GRM7: variants seen among roughly 807,000 people sequenced by gnomAD.
GRM7 encodes the protein glutamate metabotropic receptor 7, also known as metabotropic glutamate receptor 7.
In GRM7, 35 loss-of-function variants were observed where a neutral mutation model predicts 84.5. The ratio of observed to expected loss-of-function variants is 0.41; its 90% CI spans 0.32 to 0.55. The LOEUF (loss-of-function observed/expected upper bound fraction) is 0.55, where lower values mean the gene tolerates loss of function less well. GRM7 is among the 20% of genes least tolerant of loss of function. The pLI, the probability that GRM7 is intolerant of heterozygous loss-of-function variation, is 0.19. For missense variants in GRM7, 1,003 were observed against 1,194.6 expected (o/e 0.84, Z 2.36); for synonymous variants, 487 against 455.1 (o/e 1.07, Z -0.89).
intron 9 of GRM7, among the ~76,000 whole-genome samples, chr3:7,717,373 T>A (rs1467652225): frequency 2.7e-5 from 4 of 150,438 alleles, no homozygotes; most frequent in East Asian, 1.9e-4. Flanking sequence ...CAGGTTGATT[T>A]AAAAAAAAAA....
chr3:6,978,366 A>T (rs1167657958), intron 1 of GRM7, among the ~76,000 whole-genome samples: 3 of 152,026 alleles, frequency 2.0e-5, no homozygotes, highest in Non-Finnish European at 4.4e-5. Context: ...TAGCTTTTAG[A>T]CCTATTGGAG....
intron 1 of GRM7, among the ~76,000 whole-genome samples, chr3:6,982,283 T>C (rs1307097169): frequency 6.6e-6 from 1 of 152,106 alleles, no homozygotes; most frequent in Non-Finnish European, 1.5e-5. Context: ...CAGTAGACAC[T>C]GAGGACTACA....
chr3:7,003,890 C>A (rs546032509), intron 1 of GRM7, among the ~76,000 whole-genome samples: 11 of 152,086 alleles, frequency 7.2e-5, no homozygotes, highest in Non-Finnish European at 5.9e-5. Context: ...AAGATGCCAG[C>A]TAGAGATGAA....
At chr3:7,444,412 A>G in intron 5 of GRM7, among the ~76,000 whole-genome samples, 1 of 152,212 alleles carries the variant, frequency 6.6e-6, no homozygotes. Context: ...TATGTAAGAC[A>G]TTGAAACTGA....
intron 2 of GRM7, among the ~76,000 whole-genome samples, chr3:7,215,571 A>C (rs1036651091): frequency 6.6e-6 from 1 of 152,038 alleles, no homozygotes; most frequent in African/African-American, 2.4e-5. Flanking sequence ...AGGCTGAGGC[A>C]GAAGAATGGC....
At chr3:7,574,455 G>A (rs1252210461) in intron 7 of GRM7, among the ~76,000 whole-genome samples, 1 of 152,196 alleles carries the variant, frequency 6.6e-6, no homozygotes, top group Non-Finnish European at 1.5e-5. Flanking sequence ...ACTGTGCCCA[G>A]GTGCCTTGTC....
At chr3:7,447,005 A>G (rs1156984707) in intron 5 of GRM7, among the ~76,000 whole-genome samples, 1 of 151,982 alleles carries the variant, frequency 6.6e-6, no homozygotes, top group Non-Finnish European at 1.5e-5. Flanking sequence ...AATTTATTCA[A>G]CAGAAGGTTA....
In GRM7 at chr3:7,270,670, C is replaced by T. The variant is rs564580731; in HGVS notation, c.737-28014C>T. On this transcript the variant is annotated intron_variant, in intron 2 of 9. Transcript: ENST00000357716. ...CAGCTTCAGCATAACTGTAAACAAA[C>T]GCAGTTACGGATGCTCGCCACTTGC... is the stretch of plus-strand genomic sequence containing the variant. 1.5e-4 allele frequency among the ~76,000 whole-genome samples: 23 copies of T among 152,178 alleles called. No homozygotes were observed. In the South Asian group the frequency reaches 3.7e-3, roughly 25 times the overall value.
chr3:7,685,636 A>C (rs1700551246), intron 9 of GRM7, among the ~76,000 whole-genome samples: 1 of 152,182 alleles, frequency 6.6e-6, no homozygotes, highest in Admixed American at 6.6e-5. Flanking sequence ...AATACAAAAT[A>C]AGATATGGAA....
intron 2 of GRM7, among the ~76,000 whole-genome samples, chr3:7,218,183 C>G (rs7630766): frequency 0.4 from 61,097 of 151,842 alleles, 12,908 homozygotes; most frequent in African/African-American, 0.52. Context: ...TGATTAAAAA[C>G]TATGCATGTG....
chr3:7,032,870 T>C (rs951150687), intron 1 of GRM7, among the ~76,000 whole-genome samples: 11 of 152,240 alleles, frequency 7.2e-5, no homozygotes, highest in African/African-American at 2.7e-4. Flanking sequence ...TTTAGACTTC[T>C]GACCTCTTAC....
chr3:7,351,008 C>T (rs1693116505), intron 4 of GRM7, among the ~76,000 whole-genome samples: 1 of 152,054 alleles, frequency 6.6e-6, no homozygotes, highest in African/African-American at 2.4e-5. Context: ...ATCAAAACTT[C>T]TGTGAGAAGG....
chr3:7,398,962 G>A (rs893855851), intron 4 of GRM7, among the ~76,000 whole-genome samples: 4 of 151,804 alleles, frequency 2.6e-5, no homozygotes, highest in East Asian at 3.9e-4. Flanking sequence ...CTTCAAATGC[G>A]GGCATTTCCC....
intron 8 of GRM7, among the ~76,000 whole-genome samples, chr3:7,666,653 A>T (rs1243773059): frequency 6.6e-6 from 1 of 152,202 alleles, no homozygotes; most frequent in Non-Finnish European, 1.5e-5. Flanking sequence ...TTTGTGCTTT[A>T]GGTGTTATTA....
At chr3:7,222,766 A>G (rs913573054) in intron 2 of GRM7, among the ~76,000 whole-genome samples, 2 of 152,140 alleles carry the variant, frequency 1.3e-5, no homozygotes, top group Non-Finnish European at 2.9e-5. Context: ...CTTATACACA[A>G]TCCTAGATTT....
At chr3:7,150,825 T>G (rs1694262468) in intron 2 of GRM7, among the ~76,000 whole-genome samples, 1 of 152,220 alleles carries the variant, frequency 6.6e-6, no homozygotes, top group Non-Finnish European at 1.5e-5. Context: ...TGATAGCATG[T>G]GGCACTAATA....
chr3:7,636,834 A>G (rs1196510337), intron 8 of GRM7, among the ~76,000 whole-genome samples: 1 of 152,176 alleles, frequency 6.6e-6, no homozygotes, highest in Non-Finnish European at 1.5e-5. Flanking sequence ...CAAAATGACA[A>G]GCCCCATCTC....
chr3:7,588,242 G>C (rs1054082734), intron 8 of GRM7, among the ~76,000 whole-genome samples: 1 of 152,164 alleles, frequency 6.6e-6, no homozygotes, highest in African/African-American at 2.4e-5. Flanking sequence ...TGAACTGCAA[G>C]CAGTTCCTAA....
chr3:7,176,629 T>C (rs1695160235), intron 2 of GRM7, among the ~76,000 whole-genome samples: 1 of 152,212 alleles, frequency 6.6e-6, no homozygotes, highest in African/African-American at 2.4e-5. Context: ...AGCTAAGTAG[T>C]TGAATTTTAC....
Sources: allele counts gnomAD v4.1 joint callset (sites outside exome capture counted in the v4.1 genomes callset), GRCh38; gene constraint gnomAD v4.1.1; transcripts MANE v1.5; gene names NCBI Gene and HGNC (gene_info 2026-07-23, HGNC 2026-07-21).